The following CTNNA3 variants were observed in gnomAD, a reference collection of about 807,000 sequenced individuals.
CTNNA3 encodes the protein catenin alpha 3.
CTNNA3 carries 76 observed loss-of-function variants against 95.7 expected under a neutral mutation model. The observed-to-expected ratio is 0.79, with a 90% CI of 0.66 to 0.96. The LOEUF is 0.96. Among genes scored for constraint, CTNNA3 ranks in the 40% least tolerant of loss-of-function variants. The pLI is 0.00. For missense variants in CTNNA3, 1,191 were observed against 1,089.8 expected (o/e 1.09, Z -1.31); for synonymous variants, 431 against 374.4 (o/e 1.15, Z -1.74).
rs1406013262 is a variant in CTNNA3 at position 66,107,339 on chromosome 10, A to G, written c.1885-4090T>C. Among the ~76,000 whole-genome samples the G allele has an allele frequency of 2.0e-5, 3 of 152,194 alleles. No individual in the cohort carries two copies. In the East Asian group the frequency reaches 5.8e-4, roughly 29 times the overall value. The stretch of plus-strand genomic sequence containing the variant: ...GAATAGGCTTAGTTTCTTCACCTGT[A>G]AAATAGCACAAATACTACCTAATTT... On this transcript the variant is annotated intron_variant, in intron 13 of 17. Coordinates refer to ENST00000433211, the MANE Select transcript of CTNNA3 (RefSeq NM_013266.4).
intron 7 of CTNNA3, among the ~76,000 whole-genome samples, chr10:66,985,689 CT>C (rs1336267271): frequency 6.6e-6 from 1 of 152,058 alleles, no homozygotes; most frequent in Non-Finnish European, 1.5e-5. Context: ...CCCATTGCCC[CT>C]AGTCACTTCC....
chr10:66,825,270 C>CAT lies in CTNNA3; in HGVS notation c.1048-49748_1048-49747dup, dbSNP rs201752040. Among the ~76,000 whole-genome samples the CAT allele has an allele frequency of 1.1e-3, 158 of 141,124 alleles. 1 individual carries two copies. The highest frequency in any genetic ancestry group is 2.8e-3 in the Admixed American group (35 of 12,720). The allele number at this position is 141,124 out of a possible 152,430, so 92.6% of individuals were successfully genotyped here. ...TTATATAAATAAAAATGTATATATACATATATATATATATTTTTTTTTTGA... is the reference window on the plus strand; with the variant it reads ...TTATATAAATAAAAATGTATATATACATATATATATATATATTTTTTTTTTGA... On this transcript the variant is annotated intron_variant, in intron 7 of 17. Coordinates refer to ENST00000433211, the MANE Select transcript of CTNNA3 (RefSeq NM_013266.4).
chr10:67,049,976 C>G (rs1238029937), intron 7 of CTNNA3, among the ~76,000 whole-genome samples: 3 of 152,154 alleles, frequency 2.0e-5, no homozygotes, highest in Non-Finnish European at 4.4e-5. Flanking sequence ...CATAACTTAT[C>G]TTTAAATGTA....
chr10:66,400,026 C>CAAT (rs1448038441), intron 11 of CTNNA3, among the ~76,000 whole-genome samples: 1 of 151,916 alleles, frequency 6.6e-6, no homozygotes, highest in African/African-American at 2.4e-5. Flanking sequence ...TAAAGGCATA[C>CAAT]ACATATGCAT....
At chr10:66,634,068 G>A (rs1231061641) in intron 9 of CTNNA3, among the ~76,000 whole-genome samples, 1 of 152,106 alleles carries the variant, frequency 6.6e-6, no homozygotes, top group African/African-American at 2.4e-5. Context: ...TGGCAATTGT[G>A]ATGATCTCTG....
chr10:67,669,968 T>C (rs1840399821), intron 1 of CTNNA3, among the ~76,000 whole-genome samples: 1 of 152,218 alleles, frequency 6.6e-6, no homozygotes, highest in African/African-American at 2.4e-5. Flanking sequence ...CTTCCAAAGT[T>C]GCAACATGCT....
At chr10:66,306,153 TAAC>T (rs2091930533) in intron 12 of CTNNA3, among the ~76,000 whole-genome samples, 1 of 152,268 alleles carries the variant, frequency 6.6e-6, no homozygotes, top group South Asian at 2.1e-4. Context: ...TCCAGATACT[TAAC>T]TAAATTTTTT....
intron 16 of CTNNA3, among the ~76,000 whole-genome samples, chr10:65,983,323 A>G (rs2078362041): frequency 6.6e-6 from 1 of 151,582 alleles, no homozygotes; most frequent in Non-Finnish European, 1.5e-5. Flanking sequence ...AGCAGATGCT[A>G]ATTTTATTTT....
chr10:66,802,320 A>T (rs1023397163), intron 7 of CTNNA3, among the ~76,000 whole-genome samples: 4 of 151,906 alleles, frequency 2.6e-5, no homozygotes, highest in African/African-American at 9.7e-5. Flanking sequence ...TAAGCAGAAT[A>T]TATAACTTAC....
At position 67,233,169 on chromosome 10, in the gene CTNNA3, C is replaced by T. The variant is rs1043252125; in HGVS notation, c.580-13299G>A. 1.2e-4 allele frequency among the ~76,000 whole-genome samples: 18 copies of T among 152,364 alleles called. No individual in the cohort carries two copies. In the South Asian group the frequency reaches 3.7e-3, roughly 32 times the overall value. On this transcript the variant is annotated intron_variant, in intron 5 of 17. Transcript: ENST00000433211. ...CTCCGCACCAAGCGGACCTAATAGA[C>T]ATCTACAGAACTCTCCACCCCAAAT... is the stretch of plus-strand genomic sequence containing the variant.
At position 66,471,703 on chromosome 10, in the gene CTNNA3, G is replaced by A. The variant is rs200434581; in HGVS notation, c.1531+48914C>T. 4.0e-5 allele frequency among the ~76,000 whole-genome samples: 6 copies of A among 151,484 alleles called. No homozygotes were observed. In the East Asian group the frequency reaches 9.7e-4, roughly 25 times the overall value. On this transcript the variant is annotated intron_variant, in intron 11 of 17. Transcript: ENST00000433211. ...ATCACATATAAAGGTCGGCTCCACC[G>A]TGAAAATGCTCCAACTTAAGACATG...
chr10:66,270,448 C>T (rs2091256419), intron 13 of CTNNA3, among the ~76,000 whole-genome samples: 1 of 152,136 alleles, frequency 6.6e-6, no homozygotes, highest in South Asian at 2.1e-4. Context: ...TCAACCATTC[C>T]ACCTGCCTCA....
chr10:66,323,964 TC>T (rs2092222624), intron 12 of CTNNA3, among the ~76,000 whole-genome samples: 1 of 151,902 alleles, frequency 6.6e-6, no homozygotes, highest in Non-Finnish European at 1.5e-5. Context: ...ATGGTCCAAC[TC>T]CAAGGGAAGA....
rs139412253 is a variant in CTNNA3, at chr10:67,321,471, C to T, written c.580-101601G>A. On this transcript the variant is annotated intron_variant, in intron 5 of 17. Coordinates refer to ENST00000433211, the MANE Select transcript of CTNNA3 (RefSeq NM_013266.4). The stretch of plus-strand genomic sequence containing the variant: ...AGTCAGGATTCTGCATGATTAAGTG[C>T]CATCCTAGACCAATGGGACGGGTCT... Among the ~76,000 whole-genome samples, 47 of 152,236 alleles carry T rather than the reference C, an allele frequency of 3.1e-4. No homozygotes were observed. The East Asian group carries it at 7.7e-3, about 25-fold the overall frequency.
intron 7 of CTNNA3, among the ~76,000 whole-genome samples, chr10:66,884,484 G>T (rs899962423): frequency 6.6e-6 from 1 of 152,046 alleles, no homozygotes; most frequent in Non-Finnish European, 1.5e-5. Flanking sequence ...CAAACCCCAT[G>T]GGGAGACCCA....
intron 5 of CTNNA3, among the ~76,000 whole-genome samples, chr10:67,319,153 G>A (rs1269880044): frequency 1.3e-5 from 2 of 152,158 alleles, no homozygotes; most frequent in African/African-American, 4.8e-5. Flanking sequence ...AAACTGTACT[G>A]GTAGACAACA....
intron 9 of CTNNA3, among the ~76,000 whole-genome samples, chr10:66,688,741 G>A (rs1847395996): frequency 6.6e-6 from 1 of 152,040 alleles, no homozygotes; most frequent in African/African-American, 2.4e-5. Context: ...GGAGGTTGAG[G>A]CAGGTGGATC....
At chr10:66,592,215 A>G (rs1290100145) in intron 10 of CTNNA3, among the ~76,000 whole-genome samples, 2 of 152,140 alleles carry the variant, frequency 1.3e-5, no homozygotes, top group African/African-American at 4.8e-5. Context: ...CAACAGACCT[A>G]TACAATAATA....
intron 7 of CTNNA3, among the ~76,000 whole-genome samples, chr10:67,015,921 T>G (rs1307116526): frequency 6.6e-6 from 1 of 152,146 alleles, no homozygotes; most frequent in Non-Finnish European, 1.5e-5. Context: ...AAGTTTATTC[T>G]ATTTGTGTTG....
Sources: gnomAD v4.1 joint callset for allele counts (sites outside exome capture counted in the v4.1 genomes callset) on GRCh38, gnomAD v4.1.1 for gene constraint, MANE v1.5 for transcripts, NCBI Gene and HGNC (gene_info 2026-07-23, HGNC 2026-07-21) for gene names.